SUV39H2: variants seen among roughly 807,000 people sequenced by gnomAD.
SUV39H2 encodes the protein SUV39H2 histone lysine methyltransferase, also known as histone-lysine N-methyltransferase SUV39H2.
A neutral mutation model predicts 47.5 loss-of-function variants in SUV39H2; 10 were observed. That is an observed-to-expected ratio of 0.21 (90% CI 0.13 to 0.36). The LOEUF (loss-of-function observed/expected upper bound fraction) is 0.36. Ranked by LOEUF, SUV39H2 falls within the 10% of genes least tolerant of loss-of-function variation. SUV39H2 has a pLI of 1.00. For synonymous variants in SUV39H2, 159 were observed against 166.8 expected, an observed-to-expected ratio of 0.95 and a Z score of 0.36; for missense variants, 266 against 487.4, an observed-to-expected ratio of 0.55 and a Z score of 4.28.
At chr10:14,893,194 G>A (rs1394319119) in intron 2 of SUV39H2, among the ~76,000 whole-genome samples, 6 of 150,928 alleles carry the variant, frequency 4.0e-5, no homozygotes, top group South Asian at 2.1e-4. Flanking sequence ...TAGTAGAGAC[G>A]GGGTTTCACC....
In SUV39H2 at chr10:14,896,860, T is replaced by C. The variant is rs1333851747; in HGVS notation, c.192T>C (p.Tyr64=). The C allele has an allele frequency of 1.9e-6, 3 of 1,581,912 alleles. No individual in the cohort carries two copies. The highest frequency in any genetic ancestry group is 1.4e-5 in the African/African-American group (1 of 73,434). Residue 64 remains tyrosine, a synonymous_variant, in exon 3 of 6, where the codon TAT becomes TAC. Coordinates refer to ENST00000354919, the MANE Select transcript of SUV39H2 (RefSeq NM_001193424.2). ...TGTATTTTAAGGATATGGAATATTA[T>C]CTTGTAAAATGGAAAGGATGGCCAG... The part of the protein sequence containing the change: ...DYKVVKDMEY[Y]LVKWKGWPDS...
chr10:14,895,128 A>G (rs1380453974), intron 2 of SUV39H2, among the ~76,000 whole-genome samples: 2 of 152,032 alleles, frequency 1.3e-5, no homozygotes, highest in African/African-American at 4.8e-5. Flanking sequence ...CTTTACTTCA[A>G]AATTTGTTAG....
intron 1 of SUV39H2, among the ~76,000 whole-genome samples, chr10:14,880,409 G>A (rs1833008202): frequency 6.6e-6 from 1 of 152,176 alleles, no homozygotes; most frequent in South Asian, 2.1e-4. Flanking sequence ...AACTACCTTG[G>A]AGAGCTACCA....
intron 2 of SUV39H2, among the ~76,000 whole-genome samples, chr10:14,886,369 T>G (rs893815522): frequency 1.3e-5 from 2 of 152,204 alleles, no homozygotes; most frequent in Non-Finnish European, 2.9e-5. Context: ...TGTTCAGGAT[T>G]TACAAAGCAC....
chr10:14,898,090 G>A (rs200577020), intron 3 of SUV39H2: 1 of 146,388 alleles, frequency 6.8e-6, no homozygotes, highest in Admixed American at 6.9e-5. Flanking sequence ...TCATATATAT[G>A]TATATATATA....
intron 2 of SUV39H2, among the ~76,000 whole-genome samples, 167 bp from the exon 3 acceptor site, chr10:14,896,679 A>G (rs1329763989): frequency 6.6e-6 from 1 of 152,188 alleles, no homozygotes; most frequent in Non-Finnish European, 1.5e-5. Flanking sequence ...AAATAGTTTT[A>G]TTTGTATGAT....
chr10:14,899,585 A>G lies in SUV39H2; in HGVS notation c.896A>G (p.Asn299Ser), dbSNP rs2131714887. The G allele has an allele frequency of 6.2e-7, 1 of 1,614,208 alleles. No individual in the cohort carries two copies. The highest frequency in any genetic ancestry group is 2.2e-5 in the East Asian group (1 of 44,880). Residue 299 changes from asparagine to serine, a missense_variant, in exon 4 of 6, where the codon AAC (asparagine) becomes AGC (serine). By Grantham distance (46) the Asn-to-Ser change is conservative (BLOSUM62 1). Around this residue, in one of 4 missense-constraint regions of SUV39H2, gnomAD observed 112 missense variants for 271.9 expected, o/e 0.41. Coordinates refer to ENST00000354919, the MANE Select transcript of SUV39H2 (RefSeq NM_001193424.2). Reference protein sequence around the residue: ...EAERRGQFYDNKGITYLFDLD... With the variant: ...EAERRGQFYDSKGITYLFDLD... ...GAAAGACGAGGACAGTTCTATGACA[A>G]CAAGGGAATCACGTATCTCTTTGAT...
chr10:14,889,684 T>C (rs374407215), intron 2 of SUV39H2, among the ~76,000 whole-genome samples: 1 of 152,170 alleles, frequency 6.6e-6, no homozygotes, highest in Non-Finnish European at 1.5e-5. Flanking sequence ...ACACAGGAGG[T>C]AGGGGTGGGA....
chr10:14,898,092 A>G (rs1369370769), intron 3 of SUV39H2: 10 of 149,388 alleles, frequency 6.7e-5, no homozygotes, highest in South Asian at 2.1e-4. Context: ...ATATATATGT[A>G]TATATATATA....
chr10:14,896,055 T>A (rs1342876438), intron 2 of SUV39H2, among the ~76,000 whole-genome samples: 1 of 152,034 alleles, frequency 6.6e-6, no homozygotes, highest in Non-Finnish European at 1.5e-5. Flanking sequence ...GCGATTCTCA[T>A]GCCTCACCCT....
chr10:14,887,206 G>A (rs1490715230), intron 2 of SUV39H2, among the ~76,000 whole-genome samples: 1 of 152,142 alleles, frequency 6.6e-6, no homozygotes, highest in Non-Finnish European at 1.5e-5. Flanking sequence ...AAGTATTAAC[G>A]ATGTCAAGGA....
intron 3 of SUV39H2, chr10:14,898,233 G>C: frequency 1.4e-5 from 1 of 73,268 alleles, no homozygotes; most frequent in South Asian, 4.8e-4. Context: ...TTTTTTTTGA[G>C]AAGTAGTACT....
Position 14,904,161 on chromosome 10 carries a change from C to A in SUV39H2, c.*1649C>A, listed in dbSNP as rs1301690031. The A allele has an allele frequency of 6.6e-6, 1 of 151,900 alleles. No individual in the cohort carries two copies. The highest frequency in any genetic ancestry group is 6.6e-5 in the Admixed American group (1 of 15,220). 9.4% of individuals were successfully genotyped at this position (151,900 alleles called of 1,614,324 possible). A position where few individuals can be genotyped will look rare whatever the true frequency, so the allele number is the denominator to read the frequency against. On this transcript the variant is annotated 3_prime_UTR_variant, in exon 6 of 6. Coordinates refer to ENST00000354919, the MANE Select transcript of SUV39H2 (RefSeq NM_001193424.2). Reference sequence around the variant, plus strand: ...CTCTACTGAAAATACAAAAATTAGCCGGGCGTGGTGGCACACGCCTGTAGT... The same window carrying A: ...CTCTACTGAAAATACAAAAATTAGCAGGGCGTGGTGGCACACGCCTGTAGT...
At chr10:14,900,077 G>A (rs1833894600) in intron 4 of SUV39H2, among the ~76,000 whole-genome samples, 1 of 152,116 alleles carries the variant, frequency 6.6e-6, no homozygotes, top group Admixed American at 6.5e-5. Flanking sequence ...ACAACTGAAG[G>A]TAAATGTATT....
At chr10:14,887,758 T>TATTC (rs1157788373) in intron 2 of SUV39H2, among the ~76,000 whole-genome samples, 2 of 152,124 alleles carry the variant, frequency 1.3e-5, no homozygotes, top group African/African-American at 4.8e-5. Flanking sequence ...TCAGTGAGGG[T>TATTC]AGAAATACCT....
intron 2 of SUV39H2, among the ~76,000 whole-genome samples, chr10:14,883,726 AAAAAAAT>A (rs1198646017): frequency 2.2e-4 from 34 of 151,268 alleles, no homozygotes; most frequent in African/African-American, 7.1e-4. Flanking sequence ...AAAAAAAAAA[AAAAAAAT>A]CCCACAGATT....
intron 2 of SUV39H2, among the ~76,000 whole-genome samples, chr10:14,892,851 G>A (rs1588843318): frequency 6.7e-6 from 1 of 149,084 alleles, no homozygotes; most frequent in African/African-American, 2.5e-5. Context: ...GTCTCGCGCT[G>A]TCACTCAGAC....
At position 14,895,178 on chromosome 10, in the gene SUV39H2, TTA is replaced by T. The variant is rs201098736; in HGVS notation, c.178-1666_178-1665del. Among the ~76,000 whole-genome samples, 348 of 131,300 alleles carry T rather than the reference TTA, an allele frequency of 2.7e-3. 2 individuals are homozygous for T. Among genetic ancestry groups the T allele is most frequent in the African/African-American group, 0.012 (336 of 28,540 alleles). 86.1% of individuals were successfully genotyped at this position (131,300 alleles called of 152,430 possible). ...GTTTTTTATCTTTTATTTTTTACTT[TTA>T]TTTTTTTTTTTTTTGACATGGAGTC... On this transcript the variant is annotated intron_variant, in intron 2 of 5. Coordinates refer to ENST00000354919, the MANE Select transcript of SUV39H2 (RefSeq NM_001193424.2).
intron 2 of SUV39H2, among the ~76,000 whole-genome samples, chr10:14,895,184 T>A (rs1454239731): frequency 1.3e-5 from 2 of 151,502 alleles, no homozygotes; most frequent in Non-Finnish European, 2.9e-5. Context: ...ACTTTTATTT[T>A]TTTTTTTTTT....
Sources: gnomAD v4.1 joint callset for allele counts (sites outside exome capture counted in the v4.1 genomes callset) on GRCh38, gnomAD v4.1.1 for gene constraint, gnomAD v4.1.1 regional missense constraint, MANE v1.5 for transcripts, NCBI Gene and HGNC (gene_info 2026-07-23, HGNC 2026-07-21) for gene names.